Variants in AQR observed in about 807,000 individuals in gnomAD.
The protein encoded by AQR is aquarius intron-binding spliceosomal factor.
AQR carries 61 observed loss-of-function variants against 180.5 expected under a neutral mutation model. The ratio of observed to expected loss-of-function variants is 0.34; its 90% CI spans 0.28 to 0.42. The LOEUF is 0.42. Among genes scored for constraint, AQR ranks in the 10% least tolerant of loss-of-function variants. The pLI, the probability that AQR is intolerant of heterozygous loss-of-function variation, is 1.00. For missense variants in AQR, 1,281 were observed against 1,798.3 expected (o/e 0.71, Z 5.20); for synonymous variants, 551 against 588.8 (o/e 0.94, Z 0.93).
chr15:34,892,022 T>C (rs984508635), intron 23 of AQR, among the ~76,000 whole-genome samples: 3 of 152,176 alleles, frequency 2.0e-5, no homozygotes, highest in African/African-American at 7.2e-5. Context: ...TAACTGATAT[T>C]TGGCATTCCA....
At position 34,853,182 on chromosome 15, in the gene AQR, G is replaced by A. The variant is rs1464143826; in HGVS notation, c.*3610C>T. On this transcript the variant is annotated 3_prime_UTR_variant, in exon 35 of 35. Transcript: ENST00000156471. ...TGCTAAATAATTACACAGGCTAACT[G>A]CCAAGCATTTTTCACAGGAAGCAAG... 1 of 151,068 alleles carries A rather than the reference G, an allele frequency of 6.6e-6. No individual in the cohort carries two copies. Among genetic ancestry groups the A allele is most frequent in the African/African-American group, 2.4e-5 (1 of 41,000 alleles). 9.4% of individuals were successfully genotyped at this position (151,068 alleles called of 1,614,324 possible).
At position 34,900,746 on chromosome 15, in the gene AQR, T is replaced by C. The variant is rs986709123; in HGVS notation, c.2119A>G (p.Asn707Asp). ...PSSAHYSKMP[N>D]QIATLDFNDT... ...TTGAAATCAAGGGTGGCAATCTGAT[T>C]GGGCATTTTCGAATAATGTGCACTA... The change falls in exon 20 of 35, where the codon AAT becomes GAT. Residue 707 changes from asparagine (N) to aspartate (D), a missense_variant. Transcript: ENST00000156471. 7 of 1,614,062 alleles carry C rather than the reference T, an allele frequency of 4.3e-6. No individual in the cohort carries two copies. The African/African-American group carries it at 9.3e-5, about 22-fold the overall frequency.
In AQR at chr15:34,918,227, G is replaced by T. The variant is rs200798026; in HGVS notation, c.1342+31C>A. On this transcript the variant is annotated intron_variant, in intron 15 of 34. Transcript: ENST00000156471. The stretch of plus-strand genomic sequence containing the variant: ...ATGATAAATCTGAAATTGTTTCATT[G>T]TACAGCTGAATCCATACTTCTTTAC... 69 of 1,604,910 alleles carry T rather than the reference G, an allele frequency of 4.3e-5. 6 individuals carry two copies. The highest frequency in any genetic ancestry group is 1.8e-4 in the East Asian group (8 of 44,652).
At chr15:34,934,780 T>G in intron 9 of AQR, 145 bp from the exon 10 acceptor site, 1 of 478,260 alleles carries the variant, frequency 2.1e-6, no homozygotes, top group East Asian at 3.6e-5. Context: ...AGAATGAGGA[T>G]CTCACATATA....
chr15:34,929,952 C>T (rs1306071214), intron 12 of AQR, among the ~76,000 whole-genome samples: 1 of 152,082 alleles, frequency 6.6e-6, no homozygotes, highest in Non-Finnish European at 1.5e-5. Context: ...CACCCCCTGC[C>T]ATATGTTGAA....
chr15:34,900,748 G>C lies in AQR; in HGVS notation c.2117C>G (p.Pro706Arg), dbSNP rs1893319327. The C allele has an allele frequency of 3.1e-6, 5 of 1,613,978 alleles. No homozygotes were observed. The highest frequency in any genetic ancestry group is 4.2e-6 in the Non-Finnish European group (5 of 1,180,010). ...DPSSAHYSKM[P>R]NQIATLDFND... ...GAAATCAAGGGTGGCAATCTGATTG[G>C]GCATTTTCGAATAATGTGCACTACT... Residue 706 changes from proline to arginine, a missense_variant, in exon 20 of 35, where the codon CCC (proline) becomes CGC (arginine). Pro to Arg is a moderately radical substitution (Grantham distance 103). Around this residue, in one of 9 missense-constraint regions of AQR, gnomAD observed 28 missense variants for 75.3 expected, o/e 0.37. Coordinates refer to ENST00000156471, the MANE Select transcript of AQR (RefSeq NM_014691.3).
At chr15:34,929,605 T>A (rs1893819456) in intron 12 of AQR, among the ~76,000 whole-genome samples, 1 of 152,198 alleles carries the variant, frequency 6.6e-6, no homozygotes. Context: ...TGTAGTATAG[T>A]TTGAAGTCAA....
chr15:34,915,531 A>T (rs1202491504), intron 15 of AQR, among the ~76,000 whole-genome samples: 2 of 152,142 alleles, frequency 1.3e-5, no homozygotes, highest in African/African-American at 4.8e-5. Context: ...CTGTATTAAA[A>T]AACTGGCACC....
chr15:34,897,064 G>T, intron 21 of AQR, 98 bp from the exon 22 acceptor site: 1 of 899,918 alleles, frequency 1.1e-6, no homozygotes, highest in Non-Finnish European at 1.7e-6. Flanking sequence ...TATCTGCTCT[G>T]TATTTACCCC....
At chr15:34,881,589 A>C (rs1276215830) in intron 27 of AQR, among the ~76,000 whole-genome samples, 1 of 152,238 alleles carries the variant, frequency 6.6e-6, no homozygotes, top group Non-Finnish European at 1.5e-5. Flanking sequence ...TTTCCACTTC[A>C]AGTGAGTCAC....
chr15:34,965,131 G>C (rs540259278), intron 1 of AQR, among the ~76,000 whole-genome samples: 7 of 152,220 alleles, frequency 4.6e-5, no homozygotes, highest in African/African-American at 1.7e-4. Context: ...GGTGACAATT[G>C]CTTTCTCCTT....
chr15:34,904,579 T>C, intron 18 of AQR, 74 bp from the exon 19 acceptor site: 1 of 1,384,208 alleles, frequency 7.2e-7, no homozygotes, highest in Non-Finnish European at 9.8e-7. Context: ...CAGTATTTCT[T>C]TTCTAGAAAT....
chr15:34,936,735 G>T (rs1460330591), intron 9 of AQR, among the ~76,000 whole-genome samples: 1 of 151,146 alleles, frequency 6.6e-6, no homozygotes, highest in Admixed American at 6.6e-5. Context: ...AAAAAAAGTT[G>T]TTTTCTGACA....
At chr15:34,947,119 T>C (rs2140500645) in intron 5 of AQR, among the ~76,000 whole-genome samples, 1 of 152,148 alleles carries the variant, frequency 6.6e-6, no homozygotes, top group Admixed American at 6.5e-5. Flanking sequence ...GCCGTGTCTG[T>C]GTAGAAAGAG....
Position 34,897,583 on chromosome 15 carries a change from G to T in AQR, c.2366C>A (p.Pro789His), listed in dbSNP as rs1332825631. 5 of 1,614,024 alleles carry T rather than the reference G, an allele frequency of 3.1e-6. No homozygotes were observed. The South Asian group carries it at 5.5e-5, about 18-fold the overall frequency. The change falls in exon 21 of 35, where the codon CCT (proline) becomes CAT (histidine). Residue 789 changes from proline (P) to histidine (H), a missense_variant. Physicochemically the swap from Pro to His is moderately conservative, Grantham distance 77. Around this residue, in one of 9 missense-constraint regions of AQR, gnomAD observed 112 missense variants for 128.6 expected, o/e 0.87. Transcript: ENST00000156471. ...CCGTTTGGGTTGATTATAAGGATAA[G>T]GACCCCTATTAGGAATAACATGGGG... Reference protein sequence around the residue: ...VEPHVIPNRGPYPYNQPKRNT... With the variant: ...VEPHVIPNRGHYPYNQPKRNT...
chr15:34,952,259 G>T (rs1367312385), intron 4 of AQR, among the ~76,000 whole-genome samples: 1 of 152,174 alleles, frequency 6.6e-6, no homozygotes, highest in Non-Finnish European at 1.5e-5. Flanking sequence ...TCTGATCTCA[G>T]CTTCTGTTTC....
chr15:34,887,852 A>G lies in AQR; in HGVS notation c.2682-1191T>C, dbSNP rs950080381. Among the ~76,000 whole-genome samples the G allele has an allele frequency of 1.1e-4, 17 of 152,212 alleles. 1 individual carries two copies. Among genetic ancestry groups the G allele is most frequent in the African/African-American group, 4.1e-4 (17 of 41,448 alleles). ...ATGCTTGAAGAATTTTTCAACTTGG[A>G]AGGATATAAACATATGGCAGATAAC... is the stretch of plus-strand genomic sequence containing the variant. On this transcript the variant is annotated intron_variant, in intron 24 of 34. Transcript: ENST00000156471.
rs939807649 is a variant in AQR at position 34,857,912 on chromosome 15, A to G, written c.4144-806T>C. On this transcript the variant is annotated intron_variant, in intron 34 of 34. Coordinates refer to ENST00000156471, the MANE Select transcript of AQR (RefSeq NM_014691.3). ...ATATGCTTAGCTTGCCCTTTGCCCC[A>G]TGGCAGTCTAGTGACTTTCTCATCA... is the stretch of plus-strand genomic sequence containing the variant. 1.3e-5 allele frequency among the ~76,000 whole-genome samples: 2 copies of G among 152,352 alleles called. 1 individual carries two copies. The highest frequency in any genetic ancestry group is 4.8e-5 in the African/African-American group (2 of 41,596).
intron 1 of AQR, among the ~76,000 whole-genome samples, chr15:34,966,318 T>A (rs1453641411): frequency 6.6e-6 from 1 of 152,152 alleles, no homozygotes; most frequent in African/African-American, 2.4e-5. Flanking sequence ...GCTCAGAAAT[T>A]AAATTAAAAA....
Sources: allele counts gnomAD v4.1 joint callset (sites outside exome capture counted in the v4.1 genomes callset), GRCh38; gene constraint gnomAD v4.1.1; regional missense constraint gnomAD v4.1.1; transcripts MANE v1.5; gene names NCBI Gene and HGNC (gene_info 2026-07-23, HGNC 2026-07-21).